NINL: variants seen among roughly 807,000 people sequenced by gnomAD.
NINL encodes ninein-like protein.
In NINL, 153 loss-of-function variants were observed where a neutral mutation model predicts 160.3. The observed-to-expected ratio is 0.95, with a 90% CI of 0.84 to 1.09. NINL has a LOEUF of 1.09. Among genes scored for constraint, NINL ranks in the 50% least tolerant of loss-of-function variants. The pLI is 0.00. For missense variants in NINL, 1,829 were observed against 1,764.0 expected (o/e 1.04, Z -0.66); for synonymous variants, 800 against 734.8 (o/e 1.09, Z -1.43).
At chr20:25,461,413 G>T in intron 21 of NINL, 109 bp downstream of exon 21, 1 of 683,504 alleles carries the variant, frequency 1.5e-6, no homozygotes, top group Non-Finnish European at 2.5e-6. Context: ...GCCCAGCAGC[G>T]CAACTACTTC....
chr20:25,485,111 G>T (rs1333850267), intron 13 of NINL, among the ~76,000 whole-genome samples: 1 of 152,184 alleles, frequency 6.6e-6, no homozygotes, highest in East Asian at 1.9e-4. Context: ...TAAAGACAAA[G>T]AAAGGAAATG....
At position 25,476,309 on chromosome 20, in the gene NINL, G is replaced by A. The variant is rs951833078; in HGVS notation, c.2982C>T (p.Ala994=). 1.2e-6 allele frequency: 2 copies of A among 1,613,184 alleles called. No individual in the cohort carries two copies. Among genetic ancestry groups the A allele is most frequent in the Non-Finnish European group, 1.7e-6 (2 of 1,179,932 alleles). ...RSWSRGTQEQ[A]SEQQARAEGA... is the part of the protein sequence containing the mutation. ...CCTCGGCCCGGGCCTGCTGCTCCGAGGCCTGCTCCTGGGTGCCCCTGCTCC... is the reference window on the plus strand; with the variant it reads ...CCTCGGCCCGGGCCTGCTGCTCCGAAGCCTGCTCCTGGGTGCCCCTGCTCC... Residue 994 remains alanine (A), a synonymous_variant, in exon 17 of 24, where the codon GCC becomes GCT. Coordinates refer to ENST00000278886, the MANE Select transcript of NINL (RefSeq NM_025176.6).
rs968801371 is a variant in NINL, at chr20:25,465,626, C to G, written c.3423+1763G>C. ...CCATTAGGTCACCCCAACTGTCCAG[C>G]CTTCCCAGCCGAGACCCCACATCAC... On this transcript the variant is annotated intron_variant, in intron 19 of 23. Coordinates refer to ENST00000278886, the MANE Select transcript of NINL (RefSeq NM_025176.6). Among the ~76,000 whole-genome samples, 5 of 152,274 alleles carry G rather than the reference C, an allele frequency of 3.3e-5. No homozygotes were observed. In the South Asian group the frequency reaches 6.2e-4, roughly 19 times the overall value.
intron 19 of NINL, among the ~76,000 whole-genome samples, chr20:25,465,677 T>G (rs550165671): frequency 2.0e-5 from 3 of 152,198 alleles, no homozygotes; most frequent in Admixed American, 1.3e-4. Context: ...GTCAACGCTG[T>G]GTTTGTCTGA....
At chr20:25,490,900 C>T (rs2063617175) in intron 11 of NINL, among the ~76,000 whole-genome samples, 1 of 152,198 alleles carries the variant, frequency 6.6e-6, no homozygotes, top group South Asian at 2.1e-4. Flanking sequence ...TGCGATGCCT[C>T]ACTGGAGTCA....
rs562501675 is a variant in NINL at position 25,465,155 on chromosome 20, CAT to C, written c.3423+2232_3423+2233del. On this transcript the variant is annotated intron_variant, in intron 19 of 23. Transcript: ENST00000278886. ...TCCAGTTTACAAGGCAGACAAGTGACATACGACCAGAGTAGCCTACACTCTCA... is the reference window on the plus strand; with the variant it reads ...TCCAGTTTACAAGGCAGACAAGTGACACGACCAGAGTAGCCTACACTCTCA... 1.4e-3 allele frequency among the ~76,000 whole-genome samples: 207 copies of C among 152,322 alleles called. 1 individual carries two copies. Among genetic ancestry groups the C allele is most frequent in the African/African-American group, 4.7e-3 (195 of 41,560 alleles).
chr20:25,559,599 A>G (rs1208869831), intron 1 of NINL, among the ~76,000 whole-genome samples: 1 of 151,652 alleles, frequency 6.6e-6, no homozygotes, highest in African/African-American at 2.4e-5. Context: ...CTATCTTGCC[A>G]GGTGTTTTGT....
At chr20:25,478,506 A>T (rs1407943443) in intron 16 of NINL, among the ~76,000 whole-genome samples, 1 of 152,204 alleles carries the variant, frequency 6.6e-6, no homozygotes, top group Non-Finnish European at 1.5e-5. Flanking sequence ...TCTCGCTTGC[A>T]CACTTGAGCC....
intron 1 of NINL, among the ~76,000 whole-genome samples, chr20:25,559,917 C>T (rs2064914170): frequency 1.3e-5 from 2 of 151,528 alleles, no homozygotes; most frequent in Non-Finnish European, 2.9e-5. Flanking sequence ...TTGCATGATG[C>T]CTACGGTTTA....
At position 25,482,029 on chromosome 20, in the gene NINL, C is replaced by G; in HGVS notation, c.1749G>C (p.Arg583=). Residue 583 remains arginine, a synonymous_variant, in exon 14 of 24, where the codon CGG becomes CGC. Transcript: ENST00000278886. ...CATCCGGGCTCCATGAGGGGCTGTG[C>G]CGGTTCTTGGGCAGCCGCGCCCACA... ...EGLWARLPKN[R]HSPSWSPDGR... is the part of the protein sequence containing the mutation. The G allele has an allele frequency of 6.3e-7, 1 of 1,598,620 alleles. No homozygotes were observed. Among genetic ancestry groups the G allele is most frequent in the Non-Finnish European group, 8.5e-7 (1 of 1,179,744 alleles).
intron 16 of NINL, among the ~76,000 whole-genome samples, chr20:25,478,685 C>T (rs1487391505): frequency 3.9e-5 from 6 of 152,166 alleles, no homozygotes; most frequent in Admixed American, 6.5e-5. Flanking sequence ...GGGTACAGAA[C>T]ACTGGGCTGT....
At chr20:25,539,372 G>A (rs926747851) in intron 1 of NINL, among the ~76,000 whole-genome samples, 18 of 152,224 alleles carry the variant, frequency 1.2e-4, no homozygotes, top group Non-Finnish European at 2.1e-4. Flanking sequence ...CTGTGAGGCC[G>A]CAGGGCCCCT....
intron 12 of NINL, among the ~76,000 whole-genome samples, 160 bp from the exon 13 acceptor site, chr20:25,489,484 C>T (rs2063575514): frequency 1.3e-5 from 2 of 152,026 alleles, no homozygotes; most frequent in African/African-American, 4.8e-5. Context: ...CTTACTCCCC[C>T]GTCTAGAAGG....
In NINL at chr20:25,489,325, C is replaced by A. The variant is rs750041423; in HGVS notation, c.1597-1G>T. On this transcript the variant is annotated splice_acceptor_variant, in intron 12 of 23. Transcript: ENST00000278886. LOFTEE classifies it high-confidence loss of function. ...GGAGCTCTGCACTCTGTGGCTCCAG[C>A]TGAAAGGCAGACACAAAGGAAGTCA... 2 of 1,613,380 alleles carry A rather than the reference C, an allele frequency of 1.2e-6. No individual in the cohort carries two copies. Among genetic ancestry groups the A allele is most frequent in the Non-Finnish European group, 1.7e-6 (2 of 1,179,958 alleles).
intron 22 of NINL, among the ~76,000 whole-genome samples, 179 bp from the exon 23 acceptor site, chr20:25,455,965 GCGTA>G (rs2090664399): frequency 6.6e-6 from 1 of 152,102 alleles, no homozygotes; most frequent in African/African-American, 2.4e-5. Flanking sequence ...GTGTGGTGGT[GCGTA>G]CCTGTAATCC....
intron 12 of NINL, 26 bp downstream of exon 12, chr20:25,489,849 G>A (rs2063585605): frequency 6.2e-7 from 1 of 1,606,442 alleles, no homozygotes; most frequent in Non-Finnish European, 8.5e-7. Context: ...CCCCTCTGGA[G>A]GCAGACTGTC....
chr20:25,493,813 A>G (rs934833531), intron 10 of NINL, among the ~76,000 whole-genome samples: 2 of 151,990 alleles, frequency 1.3e-5, no homozygotes, highest in South Asian at 4.2e-4. Flanking sequence ...AGGGCAGGGA[A>G]CTCGGGCCTT....
intron 1 of NINL, among the ~76,000 whole-genome samples, chr20:25,565,717 A>G (rs1158785622): frequency 1.3e-5 from 2 of 152,190 alleles, no homozygotes; most frequent in East Asian, 3.8e-4. Flanking sequence ...TGGTGTTTCC[A>G]GGGCAGATTA....
At chr20:25,577,097 C>A (rs2065123798) in intron 1 of NINL, among the ~76,000 whole-genome samples, 1 of 152,206 alleles carries the variant, frequency 6.6e-6, no homozygotes, top group Admixed American at 6.5e-5. Context: ...ACGTTTCTGT[C>A]CCTACCCAGA....
Sources: allele counts gnomAD v4.1 joint callset (sites outside exome capture counted in the v4.1 genomes callset), GRCh38; gene constraint gnomAD v4.1.1; transcripts MANE v1.5; gene names NCBI Gene and HGNC (gene_info 2026-07-23, HGNC 2026-07-21).